ASTN2: variants seen among roughly 807,000 people sequenced by gnomAD.
ASTN2 encodes the protein astrotactin 2.
A neutral mutation model predicts 139.8 loss-of-function variants in ASTN2; 54 were observed. The observed-to-expected ratio is 0.39, with a 90% CI of 0.31 to 0.48. The LOEUF (loss-of-function observed/expected upper bound fraction) is 0.48, where lower values mean the gene tolerates loss of function less well. Ranked by LOEUF, ASTN2 falls within the 20% of genes least tolerant of loss-of-function variation. The probability of loss-of-function intolerance (pLI) is 0.95; values close to 1 mark genes in which losing one functional copy is unlikely to be tolerated. For synonymous variants in ASTN2, 756 were observed against 719.5 expected (o/e 1.05, Z -0.81); for missense variants, 1,565 against 1,725.1 (o/e 0.91, Z 1.64).
intron 6 of ASTN2, among the ~76,000 whole-genome samples, chr9:117,018,945 C>T (rs1223680832): frequency 6.6e-6 from 1 of 152,076 alleles, no homozygotes. Flanking sequence ...AGCTAGGAAA[C>T]TGATGATTCA....
intron 13 of ASTN2, among the ~76,000 whole-genome samples, chr9:116,755,231 C>G (rs188898040): frequency 1.3e-5 from 2 of 152,116 alleles, no homozygotes; most frequent in Non-Finnish European, 2.9e-5. Context: ...TGAATGACAC[C>G]TTATGTTATG....
intron 2 of ASTN2, among the ~76,000 whole-genome samples, chr9:117,279,368 T>C (rs1414894643): frequency 6.6e-6 from 1 of 152,244 alleles, no homozygotes; most frequent in Non-Finnish European, 1.5e-5. Context: ...CTTGGTTTTA[T>C]CATTTGTGAA....
chr9:116,435,846 A>G (rs1371627353), intron 22 of ASTN2, among the ~76,000 whole-genome samples: 3 of 152,188 alleles, frequency 2.0e-5, no homozygotes, highest in Admixed American at 6.5e-5. Flanking sequence ...GATTTTTTGG[A>G]ATGTTAGAAG....
intron 10 of ASTN2, among the ~76,000 whole-genome samples, chr9:116,880,313 C>T (rs1415602040): frequency 6.6e-6 from 1 of 152,156 alleles, no homozygotes; most frequent in Non-Finnish European, 1.5e-5. Context: ...TTAAGAGCTG[C>T]TGCCAACAAT....
intron 1 of ASTN2, among the ~76,000 whole-genome samples, chr9:117,403,937 G>C (rs578256500): frequency 1.3e-5 from 2 of 152,248 alleles, no homozygotes; most frequent in Non-Finnish European, 2.9e-5. Flanking sequence ...GAGGTGGAGA[G>C]AGGAGGCATA....
intron 4 of ASTN2, among the ~76,000 whole-genome samples, chr9:117,097,443 G>C (rs1193105450): frequency 1.3e-5 from 2 of 152,108 alleles, no homozygotes; most frequent in Non-Finnish European, 2.9e-5. Context: ...AAATAACCAG[G>C]AGAGAGAGCC....
intron 11 of ASTN2, among the ~76,000 whole-genome samples, chr9:116,837,813 T>C (rs921866179): frequency 6.6e-6 from 1 of 152,178 alleles, no homozygotes; most frequent in African/African-American, 2.4e-5. Context: ...CTGCCCCACC[T>C]GGGTCCTGGG....
At chr9:117,100,223 T>C (rs1192721246) in intron 4 of ASTN2, among the ~76,000 whole-genome samples, 1 of 152,208 alleles carries the variant, frequency 6.6e-6, no homozygotes. Flanking sequence ...CCATAAAGGC[T>C]TTCCCTTCTG....
At chr9:117,159,238 C>G (rs557630396) in intron 3 of ASTN2, among the ~76,000 whole-genome samples, 10 of 151,992 alleles carry the variant, frequency 6.6e-5, no homozygotes, top group Admixed American at 2.0e-4. Context: ...GAGCATTTTT[C>G]TGAACAGTTT....
At chr9:116,430,730 C>G (rs1205270784) in intron 22 of ASTN2, among the ~76,000 whole-genome samples, 14 of 152,182 alleles carry the variant, frequency 9.2e-5, no homozygotes, top group Admixed American at 9.2e-4. Flanking sequence ...GTAACAGGCA[C>G]TGAACCAATG....
At chr9:117,078,853 G>A (rs563854134) in intron 5 of ASTN2, among the ~76,000 whole-genome samples, 2 of 152,016 alleles carry the variant, frequency 1.3e-5, no homozygotes, top group East Asian at 1.9e-4. Flanking sequence ...CTCCTGCCTC[G>A]GCCTCCCAAG....
chr9:117,081,225 C>T (rs894079416), intron 5 of ASTN2, among the ~76,000 whole-genome samples: 2 of 152,206 alleles, frequency 1.3e-5, no homozygotes, highest in Non-Finnish European at 2.9e-5. Context: ...GTCCTGCAGT[C>T]TCTCAGCTGT....
intron 3 of ASTN2, among the ~76,000 whole-genome samples, chr9:117,167,424 A>G (rs115877284): frequency 0.011 from 1,697 of 152,194 alleles, 36 homozygotes; most frequent in African/African-American, 0.039. Flanking sequence ...CATTTCCTAA[A>G]ACCATTATCT....
chr9:117,081,133 C>T lies in ASTN2; in HGVS notation c.1276+14911G>A, dbSNP rs189384601. Among the ~76,000 whole-genome samples, 527 of 152,336 alleles carry T rather than the reference C, an allele frequency of 3.5e-3. 1 individual carries two copies. The highest frequency in any genetic ancestry group is 5.3e-3 in the Non-Finnish European group (358 of 68,032). ...CCAGTGAAACACAGAATGGGTTTGA[C>T]TGAGTGACTTGGGGTACTGCACATT... On this transcript the variant is annotated intron_variant, in intron 5 of 22. Coordinates refer to ENST00000313400, the MANE Select transcript of ASTN2 (RefSeq NM_001365068.1).
chr9:117,307,732 C>A (rs546907677), intron 1 of ASTN2, among the ~76,000 whole-genome samples: 1 of 152,286 alleles, frequency 6.6e-6, no homozygotes, highest in South Asian at 2.1e-4. Context: ...AGGTTTTAAC[C>A]CAAGGGCATA....
intron 5 of ASTN2, 70 bp from the exon 6 acceptor site, chr9:117,040,035 G>A: frequency 6.9e-7 from 1 of 1,441,324 alleles, no homozygotes. Flanking sequence ...CATCAAGTTT[G>A]GGAATTCTAT....
chr9:117,076,175 G>T (rs1828275303), intron 5 of ASTN2, among the ~76,000 whole-genome samples: 1 of 152,200 alleles, frequency 6.6e-6, no homozygotes, highest in African/African-American at 2.4e-5. Context: ...TGGCATAAAG[G>T]AAGGGCACCT....
chr9:116,825,471 C>A (rs896483946), intron 11 of ASTN2, among the ~76,000 whole-genome samples: 2 of 152,150 alleles, frequency 1.3e-5, no homozygotes, highest in Non-Finnish European at 2.9e-5. Context: ...CGATGTCTGA[C>A]TAGATGCAGG....
chr9:116,440,096 CAT>C (rs1381875664), intron 22 of ASTN2, among the ~76,000 whole-genome samples: 1 of 152,142 alleles, frequency 6.6e-6, no homozygotes, highest in Non-Finnish European at 1.5e-5. Context: ...TGGTTCCTGG[CAT>C]AGTGACTGGC....
Sources: gnomAD v4.1 joint callset for allele counts (sites outside exome capture counted in the v4.1 genomes callset) on GRCh38, gnomAD v4.1.1 for gene constraint, MANE v1.5 for transcripts, NCBI Gene and HGNC (gene_info 2026-07-23, HGNC 2026-07-21) for gene names.